The following MICAL2 variants were observed in gnomAD, a reference collection of about 807,000 sequenced individuals.
MICAL2 encodes microtubule associated monooxygenase, calponin and LIM domain containing 2.
MICAL2 carries 77 observed loss-of-function variants against 127.3 expected under a neutral mutation model. The ratio of observed to expected loss-of-function variants is 0.60; its 90% CI spans 0.50 to 0.73. The LOEUF is 0.73. MICAL2 is among the 30% of genes least tolerant of loss of function. The pLI is 0.00. For missense variants in MICAL2, 1,351 were observed against 1,434.4 expected, an observed-to-expected ratio of 0.94 and a Z score of 0.94; for synonymous variants, 570 against 551.1, an observed-to-expected ratio of 1.03 and a Z score of -0.48.
intron 1 of MICAL2, among the ~76,000 whole-genome samples, chr11:12,133,521 A>G (rs1048055492): frequency 2.6e-5 from 4 of 152,206 alleles, no homozygotes; most frequent in African/African-American, 9.6e-5. Context: ...AGTAGTGAGT[A>G]AGTGAGACAA....
chr11:12,335,263 G>A (rs142599018), intron 32 of MICAL2, among the ~76,000 whole-genome samples: 32,735 of 151,638 alleles, frequency 0.22, 4,109 homozygotes, highest in African/African-American at 0.33. Flanking sequence ...TTTGAGAAGT[G>A]TCTCTTCATA....
intron 3 of MICAL2, among the ~76,000 whole-genome samples, chr11:12,186,547 A>AC (rs977291563): frequency 3.0e-4 from 45 of 150,940 alleles, no homozygotes; most frequent in African/African-American, 1.0e-3. Context: ...TTAAAAAAAG[A>AC]TTTTTTTTTT....
At chr11:12,294,459 T>G, downstream of MICAL2, 4 of 1,614,142 alleles carry the variant, frequency 2.5e-6, no homozygotes, top group African/African-American at 4.0e-5. Flanking sequence ...GACCCTGCCC[T>G]CCGCACCCAC....
intron 1 of MICAL2, chr11:12,280,783 A>C (rs1181979507): frequency 2.5e-6 from 1 of 396,534 alleles, no homozygotes; most frequent in African/African-American, 2.1e-5. Context: ...TCAACCCATA[A>C]CAAAGTCCGA....
chr11:12,224,669 G>T lies in MICAL2; in HGVS notation c.1541-4G>T. On this transcript the variant is annotated splice_polypyrimidine_tract_variant and splice_region_variant and intron_variant, in intron 12 of 27. Coordinates refer to ENST00000683283, the MANE Select transcript of MICAL2 (RefSeq NM_001282663.2). ...CCTCACTGCCTGCGCTCTCCTTCTT[G>T]CAGAGTCAGATATCCGGCCCAGCAA... 1.9e-6 allele frequency: 3 copies of T among 1,613,404 alleles called. No homozygotes were observed. The highest frequency in any genetic ancestry group is 2.5e-6 in the Non-Finnish European group (3 of 1,179,432).
intron 1 of MICAL2, chr11:12,116,897 G>C (rs560656683): frequency 1.3e-5 from 2 of 152,400 alleles, no homozygotes; most frequent in African/African-American, 4.8e-5. Context: ...GCCCATCTCA[G>C]TGGTGTCTGG....
At chr11:12,277,188 G>A (rs1863730515) in intron 1 of MICAL2, among the ~76,000 whole-genome samples, 1 of 152,088 alleles carries the variant, frequency 6.6e-6, no homozygotes, top group South Asian at 2.1e-4. Flanking sequence ...TGTCAGCTGG[G>A]GTGACAGAGG....
chr11:12,170,591 GC>G (rs1856123664), intron 3 of MICAL2, among the ~76,000 whole-genome samples: 1 of 152,144 alleles, frequency 6.6e-6, no homozygotes, highest in African/African-American at 2.4e-5. Flanking sequence ...TAGGGCCCTG[GC>G]CCATGGAGGA....
chr11:12,357,851 AG>A (rs1939151586), intron 34 of MICAL2, among the ~76,000 whole-genome samples: 1 of 152,174 alleles, frequency 6.6e-6, no homozygotes, highest in Non-Finnish European at 1.5e-5. Flanking sequence ...AAAAGAAAAA[AG>A]AAAAAAAAGA....
At chr11:12,165,628 G>C (rs1855414713) in intron 3 of MICAL2, among the ~76,000 whole-genome samples, 1 of 152,212 alleles carries the variant, frequency 6.6e-6, no homozygotes, top group Non-Finnish European at 1.5e-5. Flanking sequence ...CCTGGAGTGG[G>C]TCTGGGCTTT....
At chr11:12,237,377 A>G (rs1859232902) in intron 16 of MICAL2, among the ~76,000 whole-genome samples, 1 of 152,118 alleles carries the variant, frequency 6.6e-6, no homozygotes, top group Non-Finnish European at 1.5e-5. Context: ...GCAAATAGAG[A>G]CACAGAGAGG....
chr11:12,242,790 A>G lies in MICAL2; in HGVS notation c.2658+18A>G, dbSNP rs570308465. On this transcript the variant is annotated intron_variant, in intron 20 of 27. Coordinates refer to ENST00000683283, the MANE Select transcript of MICAL2 (RefSeq NM_001282663.2). ...TCCCGCAGGTAAACATGGGGCTTTC[A>G]GAGCCCCCAGGAACCTGATGCTGGA... The G allele has an allele frequency of 2.5e-6, 4 of 1,577,670 alleles. No homozygotes were observed. The highest frequency in any genetic ancestry group is 2.3e-5 in the South Asian group (2 of 87,134).
At chr11:12,337,491 G>T (rs1247869727) in intron 32 of MICAL2, among the ~76,000 whole-genome samples, 2 of 152,104 alleles carry the variant, frequency 1.3e-5, no homozygotes, top group Non-Finnish European at 2.9e-5. Context: ...CTTGCCTTCT[G>T]CTAGCTTTTG....
downstream of MICAL2, among the ~76,000 whole-genome samples, chr11:12,291,591 C>A (rs1863901978): frequency 6.6e-6 from 1 of 152,228 alleles, no homozygotes; most frequent in Admixed American, 6.5e-5. Context: ...TGATTTGATA[C>A]TCACTGTAAC....
In MICAL2 at chr11:12,154,333, G is replaced by A. The variant is rs115176571; in HGVS notation, c.-77-7746G>A. ...TGCTGAGTTCCACCAAGACCTGAGC[G>A]CTTGTTAGGCCTGGAGAAGATAAGA... On this transcript the variant is annotated intron_variant, in intron 2 of 27. Transcript: ENST00000683283. Among the ~76,000 whole-genome samples, 726 of 152,230 alleles carry A rather than the reference G, an allele frequency of 4.8e-3. 2 individuals carry two copies. Among genetic ancestry groups the A allele is most frequent in the African/African-American group, 0.017 (687 of 41,532 alleles).
chr11:12,300,288 C>T (rs1306601240), intron 29 of MICAL2, among the ~76,000 whole-genome samples: 1 of 151,898 alleles, frequency 6.6e-6, no homozygotes, highest in Non-Finnish European at 1.5e-5. Context: ...GAGCAAAACT[C>T]CATCTCAAAA....
chr11:12,245,847 T>G (rs1271698638), intron 21 of MICAL2, among the ~76,000 whole-genome samples: 1 of 152,200 alleles, frequency 6.6e-6, no homozygotes, highest in Non-Finnish European at 1.5e-5. Flanking sequence ...GTATACTCCC[T>G]ACTACGGGAA....
intron 24 of MICAL2, among the ~76,000 whole-genome samples, chr11:12,270,514 T>A (rs1057001170): frequency 2.6e-5 from 4 of 152,176 alleles, no homozygotes; most frequent in African/African-American, 9.6e-5. Context: ...TCCTTGTCCC[T>A]CTGCTGTTGA....
chr11:12,230,467 A>G (rs995046857), intron 15 of MICAL2, among the ~76,000 whole-genome samples: 2 of 152,170 alleles, frequency 1.3e-5, no homozygotes, highest in Admixed American at 1.3e-4. Flanking sequence ...AGTCTATACA[A>G]TAGCCCTCCC....
Sources: gnomAD v4.1 joint callset for allele counts (sites outside exome capture counted in the v4.1 genomes callset) on GRCh38, gnomAD v4.1.1 for gene constraint, MANE v1.5 for transcripts, NCBI Gene and HGNC (gene_info 2026-07-23, HGNC 2026-07-21) for gene names.